Variants in TNNI2 observed in about 807,000 individuals in gnomAD.
TNNI2 encodes the protein troponin I2, fast skeletal type.
TNNI2 carries 14 observed loss-of-function variants against 26.5 expected under a neutral mutation model. The observed-to-expected ratio is 0.53, with a 90% CI of 0.35 to 0.83. The LOEUF is 0.83. Ranked by LOEUF, TNNI2 falls within the 40% of genes least tolerant of loss-of-function variation. The probability of loss-of-function intolerance (pLI) is 0.01; values close to 1 mark genes in which losing one functional copy is unlikely to be tolerated. For synonymous variants in TNNI2, 126 were observed against 97.6 expected, an observed-to-expected ratio of 1.29 and a Z score of -1.71; for missense variants, 205 against 248.5, an observed-to-expected ratio of 0.82 and a Z score of 1.18.
At chr11:1,839,462 T>G in intron 1 of TNNI2, 2 of 367,666 alleles carry the variant, frequency 5.4e-6, no homozygotes, top group East Asian at 6.6e-5. Context: ...GCCTGGGACA[T>G]TTTGGGAACA....
chr11:1,841,033 G>A lies in TNNI2; in HGVS notation c.279G>A (p.Leu93=), dbSNP rs1417967364. Residue 93 remains leucine, a splice_region_variant and synonymous_variant, in exon 7 of 8, where the codon CTG becomes CTA. Coordinates refer to ENST00000381911, the MANE Select transcript of TNNI2 (RefSeq NM_003282.4). The part of the protein sequence containing the change: ...EVRVQKTSKE[L]EDMNQKLFDL... ...CCACCCGGCTCCCCTGCCCACAGCTGGAGGACATGAACCAGAAGCTATTTG... is the reference window on the plus strand; with the variant it reads ...CCACCCGGCTCCCCTGCCCACAGCTAGAGGACATGAACCAGAAGCTATTTG... 5 of 1,612,710 alleles carry A rather than the reference G, an allele frequency of 3.1e-6. No homozygotes were observed. Among genetic ancestry groups the A allele is most frequent in the Admixed American group, 3.3e-5 (2 of 59,990 alleles).
chr11:1,839,193 G>A (rs959079731), intron 1 of TNNI2, among the ~76,000 whole-genome samples, 160 bp downstream of exon 1: 51 of 152,278 alleles, frequency 3.3e-4, no homozygotes, highest in Non-Finnish European at 5.7e-4. Context: ...AGAGGCTTTG[G>A]GGAGGCAGCT....
Position 1,840,549 on chromosome 11 carries a change from G to A in TNNI2, c.79G>A (p.Ala27Thr), listed in dbSNP as rs1264485089. Residue 27 changes from alanine (A) to threonine (T), a missense_variant, in exon 5 of 8, where the codon GCC (alanine) becomes ACC (threonine). Ala to Thr is a moderately conservative substitution (Grantham distance 58). Coordinates refer to ENST00000381911, the MANE Select transcript of TNNI2 (RefSeq NM_003282.4). ...HLKSVMLQIA[A>T]TELEKEESRR... is the part of the protein sequence containing the mutation. ...GCAGAGTGTGATGCTGCAGATAGCG[G>A]CCACGGAGCTGGAGAAGGAGGAGAG... The A allele has an allele frequency of 6.2e-7, 1 of 1,612,332 alleles. No homozygotes were observed. The highest frequency in any genetic ancestry group is 1.7e-5 in the Admixed American group (1 of 59,990).
At chr11:1,839,588 C>T (rs1388390697) in intron 1 of TNNI2, 87 bp from the exon 2 acceptor site, 1 of 1,447,794 alleles carries the variant, frequency 6.9e-7, no homozygotes, top group South Asian at 1.2e-5. Flanking sequence ...TCATCAGGAG[C>T]CCTGAACCCC....
intron 6 of TNNI2, 56 bp from the exon 7 acceptor site, chr11:1,840,975 C>T (rs559014225): frequency 8.2e-6 from 13 of 1,581,506 alleles, no homozygotes; most frequent in African/African-American, 5.4e-5. Flanking sequence ...CGGGGCGGGC[C>T]GGGGAGGCCG....
intron 2 of TNNI2, 55 bp from the exon 3 acceptor site, chr11:1,839,794 G>A (rs2133032854): frequency 6.2e-7 from 1 of 1,613,332 alleles, no homozygotes; most frequent in Non-Finnish European, 8.5e-7. Flanking sequence ...GCCAGCCATG[G>A]CCCTAACCTC....
chr11:1,840,198 CAA>C (rs1255093085), intron 3 of TNNI2: 1 of 1,551,156 alleles, frequency 6.4e-7, no homozygotes, highest in Admixed American at 2.0e-5. Context: ...TGCCACCTGG[CAA>C]AGTGTCACAC....
Position 1,840,511 on chromosome 11 carries a change from C to T in TNNI2, c.58-17C>T, listed in dbSNP as rs773749070. On this transcript the variant is annotated splice_polypyrimidine_tract_variant and intron_variant, in intron 4 of 7. Coordinates refer to ENST00000381911, the MANE Select transcript of TNNI2 (RefSeq NM_003282.4). ...AGGGGAGCTGGCTGCAGCCCCTCACCGCCTGCCCCACCGCAGAGTGTGATG... is the reference window on the plus strand; with the variant it reads ...AGGGGAGCTGGCTGCAGCCCCTCACTGCCTGCCCCACCGCAGAGTGTGATG... 173 of 1,611,022 alleles carry T rather than the reference C, an allele frequency of 1.1e-4. No homozygotes were observed. Among genetic ancestry groups the T allele is most frequent in the Middle Eastern group, 1.7e-4 (1 of 6,058 alleles).
Position 1,841,052 on chromosome 11 carries a change from C to A in TNNI2, c.298C>A (p.Leu100Ile). 6.2e-7 allele frequency: 1 copy of A among 1,613,126 alleles called. No individual in the cohort carries two copies. The highest frequency in any genetic ancestry group is 8.5e-7 in the Non-Finnish European group (1 of 1,179,920). The part of the protein sequence containing the change: ...SKELEDMNQK[L>I]FDLRGKFKRP... Reference sequence around the variant, plus strand: ...ACAGCTGGAGGACATGAACCAGAAGCTATTTGATCTGCGGGGCAAGTTCAA... The same window carrying A: ...ACAGCTGGAGGACATGAACCAGAAGATATTTGATCTGCGGGGCAAGTTCAA... Residue 100 changes from leucine (L) to isoleucine (I), a missense_variant, in exon 7 of 8, where the codon CTA (leucine) becomes ATA (isoleucine). Physicochemically the swap from Leu to Ile is conservative, Grantham distance 5 (BLOSUM62 2). Transcript: ENST00000381911.
intron 3 of TNNI2, chr11:1,840,127 C>A: frequency 7.3e-7 from 1 of 1,364,294 alleles, no homozygotes; most frequent in East Asian, 2.5e-5. Flanking sequence ...CCCCACCTCA[C>A]CGGCCGACCT....
rs368363208 is a variant in TNNI2 at position 1,840,920 on chromosome 11, C to T, written c.276+12C>T. 100 of 1,609,074 alleles carry T rather than the reference C, an allele frequency of 6.2e-5. No individual in the cohort carries two copies. The highest frequency in any genetic ancestry group is 1.7e-4 in the South Asian group (15 of 90,646). Reference sequence around the variant, plus strand: ...AGACCAGCAAGGAGGTGAGTGGTGGCGGCGGGCCGGCGGCAGGCGGGTAGG... The same window carrying T: ...AGACCAGCAAGGAGGTGAGTGGTGGTGGCGGGCCGGCGGCAGGCGGGTAGG... On this transcript the variant is annotated intron_variant, in intron 6 of 7. Coordinates refer to ENST00000381911, the MANE Select transcript of TNNI2 (RefSeq NM_003282.4).
Position 1,839,861 on chromosome 11 carries a change from T to C in TNNI2, c.15+6T>C. On this transcript the variant is annotated splice_donor_region_variant and intron_variant, in intron 3 of 7. Transcript: ENST00000381911. ...CCTCCCTGGACAGTGAGGAGGTAAGTAGTTGCTGGGGGCTCAAAACATGAC... is the reference window on the plus strand; with the variant it reads ...CCTCCCTGGACAGTGAGGAGGTAAGCAGTTGCTGGGGGCTCAAAACATGAC... 2 of 1,613,682 alleles carry C rather than the reference T, an allele frequency of 1.2e-6. No homozygotes were observed. Among genetic ancestry groups the C allele is most frequent in the Non-Finnish European group, 1.7e-6 (2 of 1,179,810 alleles).
At position 1,840,634 on chromosome 11, in the gene TNNI2, C is replaced by A; in HGVS notation, c.164C>A (p.Pro55Gln). The change falls in exon 5 of 8, where the codon CCG (proline) becomes CAG (glutamine). Residue 55 changes from proline to glutamine, a missense_variant. Pro to Gln is a moderately conservative substitution (Grantham distance 76, BLOSUM62 -1). Coordinates refer to ENST00000381911, the MANE Select transcript of TNNI2 (RefSeq NM_003282.4). The stretch of plus-strand genomic sequence containing the variant: ...GAGCACTGCCCGCCGCTGCATATCC[C>A]GGGCTCCATGTCTGAAGTGCAGGTA... ...LAEHCPPLHIPGSMSEVQELC... is the reference protein window; with the variant it reads ...LAEHCPPLHIQGSMSEVQELC... 6.2e-7 allele frequency: 1 copy of A among 1,612,844 alleles called. No individual in the cohort carries two copies. Among genetic ancestry groups the A allele is most frequent in the Middle Eastern group, 1.7e-4 (1 of 6,054 alleles).
chr11:1,839,805 T>C (rs757485209), intron 2 of TNNI2, 44 bp from the exon 3 acceptor site: 5 of 1,613,446 alleles, frequency 3.1e-6, no homozygotes, highest in Non-Finnish European at 2.5e-6. Flanking sequence ...CCCTAACCTC[T>C]GTCTTCTCTC....
At position 1,840,923 on chromosome 11, in the gene TNNI2, C is replaced by A; in HGVS notation, c.276+15C>A. The A allele has an allele frequency of 6.2e-7, 1 of 1,608,856 alleles. No individual in the cohort carries two copies. Among genetic ancestry groups the A allele is most frequent in the Non-Finnish European group, 8.5e-7 (1 of 1,177,864 alleles). On this transcript the variant is annotated intron_variant, in intron 6 of 7. Coordinates refer to ENST00000381911, the MANE Select transcript of TNNI2 (RefSeq NM_003282.4). ...CCAGCAAGGAGGTGAGTGGTGGCGG[C>A]GGGCCGGCGGCAGGCGGGTAGGCGG...
At chr11:1,839,994 AC>A in intron 3 of TNNI2, 139 bp downstream of exon 3, 1 of 1,305,410 alleles carries the variant, frequency 7.7e-7, no homozygotes, top group Non-Finnish European at 1.0e-6. Flanking sequence ...TGCCCCACCC[AC>A]CCACCAAGAC....
In TNNI2 at chr11:1,841,066, G is replaced by T. The variant is rs531238512; in HGVS notation, c.312G>T (p.Arg104=). The T allele has an allele frequency of 5.5e-5, 89 of 1,613,162 alleles. 1 individual carries two copies. The South Asian group carries it at 9.4e-4, about 17-fold the overall frequency. The change falls in exon 7 of 8, where the codon CGG becomes CGT. Residue 104 remains arginine, a synonymous_variant. Coordinates refer to ENST00000381911, the MANE Select transcript of TNNI2 (RefSeq NM_003282.4). Reference sequence around the variant, plus strand: ...TGAACCAGAAGCTATTTGATCTGCGGGGCAAGTTCAAGCGGCCCCCACTGC... The same window carrying T: ...TGAACCAGAAGCTATTTGATCTGCGTGGCAAGTTCAAGCGGCCCCCACTGC... ...EDMNQKLFDL[R]GKFKRPPLRR...
At position 1,839,847 on chromosome 11, in the gene TNNI2, A is replaced by G. The variant is rs747954129; in HGVS notation, c.9-2A>G. On this transcript the variant is annotated splice_acceptor_variant, in intron 2 of 7. Transcript: ENST00000381911. LOFTEE classifies it high-confidence loss of function. ...CTGCCTGCGTCCTCCCTCCCTGGAC[A>G]GTGAGGAGGTAAGTAGTTGCTGGGG... is the stretch of plus-strand genomic sequence containing the variant. 1.9e-6 allele frequency: 3 copies of G among 1,613,728 alleles called. No individual in the cohort carries two copies. Among genetic ancestry groups the G allele is most frequent in the African/African-American group, 1.3e-5 (1 of 74,976 alleles).
Position 1,840,514 on chromosome 11 carries a change from C to G in TNNI2, c.58-14C>G. ...GGAGCTGGCTGCAGCCCCTCACCGCCTGCCCCACCGCAGAGTGTGATGCTG... is the reference window on the plus strand; with the variant it reads ...GGAGCTGGCTGCAGCCCCTCACCGCGTGCCCCACCGCAGAGTGTGATGCTG... On this transcript the variant is annotated splice_polypyrimidine_tract_variant and intron_variant, in intron 4 of 7. Transcript: ENST00000381911. 6.2e-7 allele frequency: 1 copy of G among 1,611,504 alleles called. No homozygotes were observed. Among genetic ancestry groups the G allele is most frequent in the South Asian group, 1.1e-5 (1 of 90,964 alleles).
Sources: gnomAD v4.1 joint callset for allele counts (sites outside exome capture counted in the v4.1 genomes callset) on GRCh38, gnomAD v4.1.1 for gene constraint, MANE v1.5 for transcripts, NCBI Gene and HGNC (gene_info 2026-07-23, HGNC 2026-07-21) for gene names.